The following RARB variants were observed in gnomAD, a reference collection of about 807,000 sequenced individuals.
RARB encodes the protein retinoic acid receptor beta, also known as HBV-activated protein.
RARB carries 17 observed loss-of-function variants against 51.9 expected under a neutral mutation model. The observed-to-expected ratio is 0.33, with a 90% CI of 0.22 to 0.49. RARB has a LOEUF of 0.49. Among genes scored for constraint, RARB ranks in the 20% least tolerant of loss-of-function variants. The pLI is 0.99. For missense variants in RARB, 369 were observed against 550.8 expected, an observed-to-expected ratio of 0.67 and a Z score of 3.30; for synonymous variants, 215 against 195.4, an observed-to-expected ratio of 1.10 and a Z score of -0.84.
chr3:25,471,781 G>A (rs1257270493), intron 2 of RARB, among the ~76,000 whole-genome samples: 2 of 152,094 alleles, frequency 1.3e-5, no homozygotes, highest in Non-Finnish European at 2.9e-5. Context: ...CAAACTAAAG[G>A]TCTGCTATTA....
chr3:25,131,597 CAT>C (rs959755367), intron 3 of RARB, among the ~76,000 whole-genome samples: 5 of 151,902 alleles, frequency 3.3e-5, no homozygotes, highest in Non-Finnish European at 5.9e-5. Context: ...TGCTGAAAAA[CAT>C]ATATACATAT....
intron 3 of RARB, among the ~76,000 whole-genome samples, chr3:25,081,186 C>T (rs904205628): frequency 6.6e-6 from 1 of 151,866 alleles, no homozygotes; most frequent in African/African-American, 2.4e-5. Context: ...TTAAATTATC[C>T]TTCTGTGAGT....
rs529669480 is a variant in RARB at position 25,373,347 on chromosome 3, G to A, written c.179-87846G>A. 3.3e-5 allele frequency among the ~76,000 whole-genome samples: 5 copies of A among 152,240 alleles called. No individual in the cohort carries two copies. The South Asian group carries it at 1.0e-3, about 32-fold the overall frequency. ...GCTTGGAGTTTGCCAAGCTAAGCTG[G>A]ATGAGAAACCAACCCAGGAAATGAA... On this transcript the variant is annotated intron_variant, in intron 5 of 11. Coordinates refer to the RARB transcript ENST00000383772.
At chr3:25,127,396 G>A (rs567034469) in intron 3 of RARB, among the ~76,000 whole-genome samples, 1 of 152,286 alleles carries the variant, frequency 6.6e-6, no homozygotes, top group African/African-American at 2.4e-5. Flanking sequence ...TCTCTGAAAA[G>A]CCTTTCCCAT....
chr3:25,104,362 A>G (rs1699458901), intron 3 of RARB, among the ~76,000 whole-genome samples: 1 of 152,040 alleles, frequency 6.6e-6, no homozygotes, highest in South Asian at 2.1e-4. Flanking sequence ...TTCCATTCCT[A>G]GGTATAAATA....
chr3:25,277,614 G>A (rs1703426139), intron 5 of RARB, among the ~76,000 whole-genome samples: 1 of 152,130 alleles, frequency 6.6e-6, no homozygotes, highest in African/African-American at 2.4e-5. Flanking sequence ...ATAGTTGTGT[G>A]TCCTTCCTAT....
At chr3:25,147,290 C>A (rs1351347723) in intron 4 of RARB, among the ~76,000 whole-genome samples, 1 of 152,098 alleles carries the variant, frequency 6.6e-6, no homozygotes, top group Non-Finnish European at 1.5e-5. Flanking sequence ...ATGACTTGTT[C>A]TACCGGTTCT....
At chr3:24,911,638 G>T (rs1280374749) in intron 2 of RARB, among the ~76,000 whole-genome samples, 1 of 152,138 alleles carries the variant, frequency 6.6e-6, no homozygotes, top group Non-Finnish European at 1.5e-5. Flanking sequence ...TCCACGGATG[G>T]TATCAGAGGA....
intron 2 of RARB, among the ~76,000 whole-genome samples, chr3:25,035,480 A>C (rs1483573223): frequency 6.7e-6 from 1 of 149,528 alleles, no homozygotes; most frequent in African/African-American, 2.5e-5. Flanking sequence ...ATGTGGATAA[A>C]AAAACTGAGA....
intron 3 of RARB, among the ~76,000 whole-genome samples, chr3:25,121,666 G>C (rs1187041804): frequency 6.6e-6 from 1 of 152,120 alleles, no homozygotes; most frequent in East Asian, 1.9e-4. Context: ...TTTTGGATTT[G>C]GTATGTATTT....
intron 4 of RARB, among the ~76,000 whole-genome samples, chr3:25,579,414 A>G (rs1353622117): frequency 6.6e-6 from 1 of 152,190 alleles, no homozygotes; most frequent in Non-Finnish European, 1.5e-5. Context: ...ACTGTTCTCA[A>G]TCACTATAGT....
chr3:25,484,346 A>C lies in RARB; in HGVS notation c.307-16836A>C, dbSNP rs1696366602. 2.0e-5 allele frequency among the ~76,000 whole-genome samples: 3 copies of C among 152,268 alleles called. No individual in the cohort carries two copies. In the South Asian group the frequency reaches 6.2e-4, roughly 32 times the overall value. ...TGAAGCCACATTTTTTCTGTAGTAC[A>C]TCAATAGTTTCTGAGACCGTGATGT... On this transcript the variant is annotated intron_variant, in intron 2 of 7. Coordinates refer to ENST00000330688, the MANE Select transcript of RARB (RefSeq NM_000965.5).
intron 5 of RARB, among the ~76,000 whole-genome samples, chr3:25,220,647 G>A (rs554723371): frequency 3.9e-5 from 6 of 152,138 alleles, no homozygotes; most frequent in Non-Finnish European, 8.8e-5. Context: ...TCTTTCACCT[G>A]CTGCCCTGTG....
intron 2 of RARB, among the ~76,000 whole-genome samples, chr3:24,962,199 G>T (rs1379260781): frequency 2.0e-5 from 3 of 151,402 alleles, no homozygotes; most frequent in Admixed American, 2.0e-4. Context: ...AAATTGCTGG[G>T]ATTACAGGTG....
At chr3:25,364,549 A>G (rs1335766652) in intron 5 of RARB, among the ~76,000 whole-genome samples, 1 of 152,214 alleles carries the variant, frequency 6.6e-6, no homozygotes, top group East Asian at 1.9e-4. Flanking sequence ...ATAGACAAAG[A>G]TTCAGAGGCT....
intron 2 of RARB, among the ~76,000 whole-genome samples, chr3:25,470,422 G>A (rs1012917692): frequency 5.9e-5 from 9 of 152,198 alleles, no homozygotes; most frequent in African/African-American, 2.2e-4. Context: ...GATGGGCACA[G>A]AGAAGGAGTC....
intron 5 of RARB, among the ~76,000 whole-genome samples, chr3:25,221,475 T>C (rs1356696050): frequency 6.6e-6 from 1 of 152,334 alleles, no homozygotes; most frequent in Non-Finnish European, 1.5e-5. Flanking sequence ...TGATTATTCT[T>C]AGAAGTTTAA....
At chr3:25,292,805 C>T (rs1161006529) in intron 5 of RARB, among the ~76,000 whole-genome samples, 3 of 152,130 alleles carry the variant, frequency 2.0e-5, no homozygotes, top group African/African-American at 7.2e-5. Flanking sequence ...TTGATTTTAG[C>T]TGCAGGCCTG....
At chr3:25,000,690 C>T (rs1402546249) in intron 2 of RARB, among the ~76,000 whole-genome samples, 1 of 152,080 alleles carries the variant, frequency 6.6e-6, no homozygotes. Context: ...TGCTTTCTTT[C>T]ATTCATCATC....
Sources: gnomAD v4.1 joint callset for allele counts (sites outside exome capture counted in the v4.1 genomes callset) on GRCh38, gnomAD v4.1.1 for gene constraint, MANE v1.5 for transcripts, NCBI Gene and HGNC (gene_info 2026-07-23, HGNC 2026-07-21) for gene names.